VPS37A: variants seen among roughly 807,000 people sequenced by gnomAD.
VPS37A encodes the protein vacuolar protein sorting-associated protein 37A.
VPS37A carries 30 observed loss-of-function variants against 49.8 expected under a neutral mutation model. That is an observed-to-expected ratio of 0.60 (90% CI 0.45 to 0.82). The LOEUF (loss-of-function observed/expected upper bound fraction) is 0.82, where lower values mean the gene tolerates loss of function less well. Among genes scored for constraint, VPS37A ranks in the 40% least tolerant of loss-of-function variants. VPS37A has a pLI of 0.00. For synonymous variants in VPS37A, 195 were observed against 160.6 expected (o/e 1.21, Z -1.62); for missense variants, 593 against 464.4 (o/e 1.28, Z -2.55).
At chr8:17,302,381 T>A (rs1817174663), downstream of VPS37A, 2 of 1,312,166 alleles carry the variant, frequency 1.5e-6, no homozygotes, top group African/African-American at 1.5e-5. Flanking sequence ...GTCTTAATAA[T>A]AACCAAATGC....
intron 11 of VPS37A, among the ~76,000 whole-genome samples, chr8:17,288,178 C>A (rs537609133): frequency 6.6e-6 from 1 of 152,162 alleles, no homozygotes; most frequent in African/African-American, 2.4e-5. Flanking sequence ...CAAATCCGTT[C>A]CTTACCTCTA....
At chr8:17,306,462 T>C (rs1267503494), downstream of VPS37A, among the ~76,000 whole-genome samples, 1 of 152,118 alleles carries the variant, frequency 6.6e-6, no homozygotes, top group Admixed American at 6.6e-5. Flanking sequence ...GCTTATCACG[T>C]GATTTATTTC....
chr8:17,301,405 C>G (rs529079867), downstream of VPS37A, among the ~76,000 whole-genome samples: 1 of 152,250 alleles, frequency 6.6e-6, no homozygotes, highest in African/African-American at 2.4e-5. Flanking sequence ...GTAAGCATTC[C>G]TGACAGGAGT....
At chr8:17,254,346 C>CTG (rs1812241320) in intron 1 of VPS37A, among the ~76,000 whole-genome samples, 1 of 152,164 alleles carries the variant, frequency 6.6e-6, no homozygotes, top group African/African-American at 2.4e-5. Context: ...AGCTTAGAGG[C>CTG]TGTCTCTGTG....
At chr8:17,304,138 TATG>T (rs1042268575), downstream of VPS37A, among the ~76,000 whole-genome samples, 2 of 152,222 alleles carry the variant, frequency 1.3e-5, no homozygotes, top group African/African-American at 4.8e-5. Flanking sequence ...TTAACCTTTT[TATG>T]ATATCATTAT....
intron 3 of VPS37A, among the ~76,000 whole-genome samples, 162 bp from the exon 4 acceptor site, chr8:17,268,694 G>A (rs533265439): frequency 2.0e-5 from 3 of 152,164 alleles, no homozygotes; most frequent in South Asian, 4.1e-4. Context: ...TTATGGTATC[G>A]ATTCTATAAG....
chr8:17,280,455 T>G lies in VPS37A; in HGVS notation c.969+12T>G. ...ATGAACTTAGTGAGGTAAGACTGTT[T>G]ATTTTTTTCCCTTTGCCATAGATTT... On this transcript the variant is annotated intron_variant, in intron 9 of 11. Transcript: ENST00000324849. 1 of 1,582,388 alleles carries G rather than the reference T, an allele frequency of 6.3e-7. No homozygotes were observed. Among genetic ancestry groups the G allele is most frequent in the Non-Finnish European group, 8.5e-7 (1 of 1,171,198 alleles).
intron 1 of VPS37A, 181 bp downstream of exon 1, chr8:17,247,550 C>G: frequency 1.2e-6 from 1 of 864,420 alleles, no homozygotes; most frequent in Non-Finnish European, 1.8e-6. Context: ...TTCCTCCGGA[C>G]CCTCCCTGCC....
At chr8:17,290,485 G>C (rs1816035413) in intron 11 of VPS37A, among the ~76,000 whole-genome samples, 1 of 152,188 alleles carries the variant, frequency 6.6e-6, no homozygotes, top group South Asian at 2.1e-4. Flanking sequence ...TACGTTTATT[G>C]ATTTGCGTAT....
intron 4 of VPS37A, among the ~76,000 whole-genome samples, chr8:17,273,187 T>C (rs1483968270): frequency 6.6e-6 from 1 of 152,030 alleles, no homozygotes; most frequent in African/African-American, 2.4e-5. Flanking sequence ...CTGACAGATA[T>C]TTTCATGTTT....
rs1414985960 is a variant in VPS37A, at chr8:17,247,271, G to C, written c.27G>C (p.Lys9Asn). 1.9e-6 allele frequency: 3 copies of C among 1,570,040 alleles called. No individual in the cohort carries two copies. The highest frequency in any genetic ancestry group is 2.6e-6 in the Non-Finnish European group (3 of 1,157,538). Residue 9 changes from lysine (K) to asparagine (N), a missense_variant, in exon 1 of 12, where the codon AAG becomes AAC. By Grantham distance (94) the Lys-to-Asn change is moderately conservative. Coordinates refer to ENST00000324849, the MANE Select transcript of VPS37A (RefSeq NM_152415.3). Reference sequence around the variant, plus strand: ...TGAGCTGGCTTTTTCCCCTGACCAAGAGCGCCTCCTCCTCCGCGGCTGGGT... The same window carrying C: ...TGAGCTGGCTTTTTCCCCTGACCAACAGCGCCTCCTCCTCCGCGGCTGGGT... MSWLFPLT[K>N]SASSSAAGSP... is the part of the protein sequence containing the mutation.
chr8:17,272,109 A>C (rs1352646923), intron 4 of VPS37A: 2 of 456,166 alleles, frequency 4.4e-6, no homozygotes, highest in Non-Finnish European at 8.8e-6. Context: ...AGTATTGGTA[A>C]ACTTTCCACT....
In VPS37A at chr8:17,264,157, T is replaced by C. The variant is rs1301611044; in HGVS notation, c.126-1750T>C. 2.6e-5 allele frequency among the ~76,000 whole-genome samples: 4 copies of C among 152,108 alleles called. No individual in the cohort carries two copies. The East Asian group carries it at 7.7e-4, about 29-fold the overall frequency. On this transcript the variant is annotated intron_variant, in intron 1 of 11. Coordinates refer to ENST00000324849, the MANE Select transcript of VPS37A (RefSeq NM_152415.3). ...CCTTTCCCATTTGAGAGAAAAGGCT[T>C]AACTTACCCATGACAGTAAATAAAT...
At chr8:17,282,218 GTAGTTCAAAAA>G (rs760617930) in intron 9 of VPS37A, among the ~76,000 whole-genome samples, 6 of 152,046 alleles carry the variant, frequency 3.9e-5, no homozygotes, top group Non-Finnish European at 7.4e-5. Context: ...AACAGACTAT[GTAGTTCAAAAA>G]TAGACTTGTG....
chr8:17,274,443 C>G (rs1359979263), intron 4 of VPS37A, among the ~76,000 whole-genome samples: 2 of 152,070 alleles, frequency 1.3e-5, no homozygotes, highest in Non-Finnish European at 2.9e-5. Context: ...CAAAAATGGC[C>G]TGTCTATCCA....
chr8:17,315,184 A>C, the VPS37A span, among the ~76,000 whole-genome samples: 12 of 152,232 alleles, frequency 7.9e-5, no homozygotes, highest in Non-Finnish European at 1.8e-4. Flanking sequence ...GAGCTATGAA[A>C]AGACACAGAG....
At chr8:17,273,485 G>A (rs1814207324) in intron 4 of VPS37A, among the ~76,000 whole-genome samples, 2 of 152,114 alleles carry the variant, frequency 1.3e-5, no homozygotes, top group Admixed American at 6.5e-5. Flanking sequence ...TCCTGCCTCA[G>A]CCTCCCGAGT....
intron 1 of VPS37A, among the ~76,000 whole-genome samples, chr8:17,263,724 G>C (rs73551480): frequency 6.6e-6 from 1 of 151,986 alleles, no homozygotes; most frequent in African/African-American, 2.4e-5. Flanking sequence ...CAGGTGGATC[G>C]CTTGAGGTCA....
At chr8:17,285,278 CTGTAATACAGCTGATA>C (rs992702231) in intron 10 of VPS37A, among the ~76,000 whole-genome samples, 3 of 152,126 alleles carry the variant, frequency 2.0e-5, no homozygotes, top group Admixed American at 1.3e-4. Flanking sequence ...CTGTATCATT[CTGTAATACAGCTGATA>C]AATCTAGTCC....
Sources: allele counts gnomAD v4.1 joint callset (sites outside exome capture counted in the v4.1 genomes callset), GRCh38; gene constraint gnomAD v4.1.1; transcripts MANE v1.5; gene names NCBI Gene and HGNC (gene_info 2026-07-23, HGNC 2026-07-21).